CWC27: variants seen among roughly 807,000 people sequenced by gnomAD.
CWC27 encodes CWC27 spliceosome associated cyclophilin.
CWC27 carries 47 observed loss-of-function variants against 63.6 expected under a neutral mutation model. The observed-to-expected ratio is 0.74, with a 90% CI of 0.58 to 0.94. The LOEUF is 0.94. CWC27 is among the 40% of genes least tolerant of loss of function. The pLI is 0.00. For synonymous variants in CWC27, 175 were observed against 179.8 expected, an observed-to-expected ratio of 0.97 and a Z score of 0.22; for missense variants, 495 against 554.3, an observed-to-expected ratio of 0.89 and a Z score of 1.07.
chr5:64,977,111 T>C (rs754622373), intron 12 of CWC27, 24 bp from the exon 13 acceptor site: 11 of 1,368,470 alleles, frequency 8.0e-6, no homozygotes, highest in Non-Finnish European at 1.1e-5. Context: ...ATCAGAAAAC[T>C]TAGCAGTCTA....
intron 11 of CWC27, among the ~76,000 whole-genome samples, chr5:64,940,654 A>G (rs1186280495): frequency 6.6e-6 from 1 of 151,322 alleles, no homozygotes; most frequent in Non-Finnish European, 1.5e-5. Context: ...TTTGCATTCC[A>G]CTCTAAAAAA....
intron 11 of CWC27, among the ~76,000 whole-genome samples, chr5:64,969,534 C>A (rs1749079859): frequency 6.6e-6 from 1 of 152,046 alleles, no homozygotes; most frequent in Non-Finnish European, 1.5e-5. Flanking sequence ...TTCTTATTTT[C>A]CCCTTCTTCA....
chr5:64,937,169 A>C (rs1181812989), intron 11 of CWC27, among the ~76,000 whole-genome samples: 1 of 151,908 alleles, frequency 6.6e-6, no homozygotes, highest in African/African-American at 2.4e-5. Flanking sequence ...TTGCTTCTCT[A>C]GTTCTTTTAT....
intron 11 of CWC27, among the ~76,000 whole-genome samples, chr5:64,901,837 CT>C (rs1283984178): frequency 6.6e-6 from 1 of 152,062 alleles, no homozygotes; most frequent in Non-Finnish European, 1.5e-5. Flanking sequence ...CTTTTTTCTA[CT>C]TTTAAATTCT....
intron 11 of CWC27, among the ~76,000 whole-genome samples, chr5:64,897,659 G>A (rs1385653803): frequency 1.3e-5 from 2 of 152,128 alleles, no homozygotes; most frequent in African/African-American, 4.8e-5. Context: ...GTTGATGGGT[G>A]CAGCAAACCA....
intron 2 of CWC27, among the ~76,000 whole-genome samples, chr5:64,775,704 T>A (rs1180244545): frequency 2.6e-5 from 4 of 152,190 alleles, no homozygotes; most frequent in South Asian, 2.1e-4. Context: ...TTTCTTTTTT[T>A]AAAATGCTGC....
chr5:64,970,958 A>AGTGTGTGTGTGTGT (rs57958257), intron 11 of CWC27, among the ~76,000 whole-genome samples: 63 of 143,510 alleles, frequency 4.4e-4, no homozygotes, highest in African/African-American at 7.7e-4. Context: ...AGAGAGAGGG[A>AGTGTGTGTGTGTGT]GTGTGTGTGT....
At chr5:64,936,788 G>C (rs1419607227) in intron 11 of CWC27, among the ~76,000 whole-genome samples, 2 of 152,144 alleles carry the variant, frequency 1.3e-5, no homozygotes, top group Non-Finnish European at 2.9e-5. Flanking sequence ...CTTGTTATTG[G>C]TCTATTCAGG....
intron 11 of CWC27, among the ~76,000 whole-genome samples, chr5:64,930,100 A>C (rs905013805): frequency 4.6e-5 from 7 of 152,218 alleles, no homozygotes; most frequent in Admixed American, 2.0e-4. Context: ...ACATGAAAGA[A>C]GCCAGAATAC....
chr5:64,987,864 C>G (rs1355512444), intron 13 of CWC27, among the ~76,000 whole-genome samples: 1 of 151,948 alleles, frequency 6.6e-6, no homozygotes, highest in Non-Finnish European at 1.5e-5. Context: ...ATTTTTTCAT[C>G]TTTTGTTCTT....
chr5:65,008,612 A>G (rs557558664), intron 13 of CWC27, among the ~76,000 whole-genome samples: 39 of 152,380 alleles, frequency 2.6e-4, no homozygotes, highest in African/African-American at 7.2e-4. Flanking sequence ...GTCTCAATGT[A>G]GGAAGTGATG....
At chr5:64,948,134 G>T (rs951711187) in intron 11 of CWC27, among the ~76,000 whole-genome samples, 1 of 152,006 alleles carries the variant, frequency 6.6e-6, no homozygotes, top group Non-Finnish European at 1.5e-5. Flanking sequence ...CTAGAGGCAG[G>T]TCTAGTCTCT....
intron 7 of CWC27, among the ~76,000 whole-genome samples, chr5:64,789,884 C>T (rs961699723): frequency 1.2e-4 from 18 of 152,062 alleles, no homozygotes; most frequent in African/African-American, 4.3e-4. Context: ...GCCTTACTTG[C>T]TTAACATAAT....
intron 10 of CWC27, among the ~76,000 whole-genome samples, chr5:64,814,073 T>C (rs1302119593): frequency 5.5e-5 from 8 of 145,074 alleles, no homozygotes; most frequent in Non-Finnish European, 1.2e-4. Context: ...TGAGATTTTT[T>C]TTGCGATTTT....
At position 64,789,036 on chromosome 5, in the gene CWC27, CCCTTTGTT is replaced by C. The variant is rs369020972; in HGVS notation, c.669+18_669+25del. 1.7e-3 allele frequency: 2,638 copies of C among 1,575,876 alleles called. 34 individuals carry two copies. The African/African-American group carries it at 0.032, about 19-fold the overall frequency. ...AGTTAGTCAGGTAATCTCTAATTTG[CCCTTTGTT>C]CTAACTTACAAAAGAGATTGGGGTC... On this transcript the variant is annotated intron_variant, in intron 7 of 13. Transcript: ENST00000381070.
At chr5:65,014,284 TTA>T (rs61352382) in intron 13 of CWC27, among the ~76,000 whole-genome samples, 5 of 147,748 alleles carry the variant, frequency 3.4e-5, no homozygotes, top group African/African-American at 1.2e-4. Flanking sequence ...TAGAGATCAG[TTA>T]TATATAGTGT....
At chr5:65,013,309 A>G (rs1035620596) in intron 13 of CWC27, among the ~76,000 whole-genome samples, 2 of 152,198 alleles carry the variant, frequency 1.3e-5, no homozygotes, top group African/African-American at 4.8e-5. Flanking sequence ...ATCAAAATAT[A>G]AGACAGTCTC....
At chr5:64,903,953 AT>A (rs1747566566) in intron 11 of CWC27, among the ~76,000 whole-genome samples, 1 of 152,136 alleles carries the variant, frequency 6.6e-6, no homozygotes, top group African/African-American at 2.4e-5. Flanking sequence ...CATATAACAC[AT>A]TTTGTTTATC....
At chr5:64,769,403 A>G (rs1743158368) in intron 1 of CWC27, among the ~76,000 whole-genome samples, 1 of 152,190 alleles carries the variant, frequency 6.6e-6, no homozygotes, top group African/African-American at 2.4e-5. Flanking sequence ...TTCTCTACCT[A>G]CCAGCATTCC....
Sources: allele counts gnomAD v4.1 joint callset (sites outside exome capture counted in the v4.1 genomes callset), GRCh38; gene constraint gnomAD v4.1.1; transcripts MANE v1.5; gene names NCBI Gene and HGNC (gene_info 2026-07-23, HGNC 2026-07-21).